LINGO2: variants seen among roughly 807,000 people sequenced by gnomAD.
The protein encoded by LINGO2 is leucine-rich repeat and immunoglobulin-like domain-containing nogo receptor-interacting protein 2.
LINGO2 carries 14 observed loss-of-function variants against 30.6 expected under a neutral mutation model. The observed-to-expected ratio is 0.46, with a 90% CI of 0.30 to 0.72. The LOEUF (loss-of-function observed/expected upper bound fraction) is 0.72. Among genes scored for constraint, LINGO2 ranks in the 30% least tolerant of loss-of-function variants. The pLI, the probability that LINGO2 is intolerant of heterozygous loss-of-function variation, is 0.07. For synonymous variants in LINGO2, 317 were observed against 288.5 expected, an observed-to-expected ratio of 1.10 and a Z score of -1.00; for missense variants, 729 against 751.7, an observed-to-expected ratio of 0.97 and a Z score of 0.35.
chr9:29,064,876 T>C, the LINGO2 span, among the ~76,000 whole-genome samples: 4 of 152,244 alleles, frequency 2.6e-5, no homozygotes, highest in South Asian at 4.1e-4. Context: ...TTTATCCCTA[T>C]GTTTATTTGA....
the LINGO2 span, among the ~76,000 whole-genome samples, chr9:29,148,775 GGGAAA>G: frequency 2.4e-4 from 36 of 152,158 alleles, no homozygotes; most frequent in South Asian, 3.5e-3. Context: ...GATGTTTGGA[GGGAAA>G]GGAGACAATT....
chr9:28,808,880 T>G, the LINGO2 span, among the ~76,000 whole-genome samples: 1 of 152,294 alleles, frequency 6.6e-6, no homozygotes, highest in Non-Finnish European at 1.5e-5. Context: ...AAAGCAAATT[T>G]TCTTAGGTGA....
chr9:29,137,982 T>C, the LINGO2 span, among the ~76,000 whole-genome samples: 1 of 152,036 alleles, frequency 6.6e-6, no homozygotes, highest in African/African-American at 2.4e-5. Context: ...TAGGAAATAA[T>C]ACATTCTTGG....
chr9:28,890,215 GTTTTGTTTT>G, the LINGO2 span, among the ~76,000 whole-genome samples: 2 of 151,572 alleles, frequency 1.3e-5, no homozygotes, highest in Non-Finnish European at 2.9e-5. Flanking sequence ...GTTTTGTTTT[GTTTTGTTTT>G]GTTTTTGTGG....
At chr9:28,821,881 C>T in the LINGO2 span, among the ~76,000 whole-genome samples, 2 of 152,198 alleles carry the variant, frequency 1.3e-5, no homozygotes, top group South Asian at 4.2e-4. Flanking sequence ...ATAATCACTC[C>T]AGAGATGTGC....
chr9:28,072,991 C>T (rs796306916), intron 4 of LINGO2, among the ~76,000 whole-genome samples: 42 of 152,078 alleles, frequency 2.8e-4, no homozygotes, highest in African/African-American at 9.6e-4. Flanking sequence ...CTTAAGCTCC[C>T]TTGGTCTTCG....
intron 2 of LINGO2, among the ~76,000 whole-genome samples, chr9:28,384,865 C>G (rs930958293): frequency 7.9e-5 from 12 of 151,928 alleles, no homozygotes; most frequent in African/African-American, 2.2e-4. Context: ...CAACAGTTAG[C>G]CAGATATCAC....
At chr9:28,004,680 A>G (rs1431882073) in intron 5 of LINGO2, among the ~76,000 whole-genome samples, 1 of 152,188 alleles carries the variant, frequency 6.6e-6, no homozygotes, top group East Asian at 1.9e-4. Flanking sequence ...GATACTCAAC[A>G]AAGGCACCTG....
rs147336276 is a variant in LINGO2, at chr9:28,575,658, A to G, written c.-365+94542T>C. On this transcript the variant is annotated intron_variant, in intron 1 of 5. Coordinates refer to ENST00000379992, the Ensembl canonical transcript of LINGO2. ...CCTCAGCAATATACAATTTACCCAT[A>G]TAACAAACCTGCATACACAATACAC... Among the ~76,000 whole-genome samples, 657 of 152,232 alleles carry G rather than the reference A, an allele frequency of 4.3e-3. 1 individual carries two copies. The highest frequency in any genetic ancestry group is 0.015 in the African/African-American group (609 of 41,540).
chr9:28,616,322 C>T (rs1478782218), intron 1 of LINGO2, among the ~76,000 whole-genome samples: 1 of 152,012 alleles, frequency 6.6e-6, no homozygotes, highest in Non-Finnish European at 1.5e-5. Flanking sequence ...CATGCATGCA[C>T]ATACACACAT....
rs1426950894 is a variant in LINGO2 at position 27,964,781 on chromosome 9, G to A, written c.-35-14075C>T. Among the ~76,000 whole-genome samples, 2 of 152,078 alleles carry A rather than the reference G, an allele frequency of 1.3e-5. 1 individual carries two copies. Among genetic ancestry groups the A allele is most frequent in the Admixed American group, 1.3e-4 (2 of 15,238 alleles). The stretch of plus-strand genomic sequence containing the variant: ...AGGATCCACAATCAAGAGCTATCCT[G>A]CATGTAGTTTCCTTTCATCTGGATG... On this transcript the variant is annotated intron_variant, in intron 5 of 5. Transcript: ENST00000379992.
In LINGO2 at chr9:28,580,459, C is replaced by T. The variant is rs186589407; in HGVS notation, c.-365+89741G>A. On this transcript the variant is annotated intron_variant, in intron 1 of 5. Transcript: ENST00000379992. ...GTACGAATCACCCTTGCCCATCCCC[C>T]TCCCTCCCACTGAATAAATATAGTA... 1.2e-3 allele frequency among the ~76,000 whole-genome samples: 178 copies of T among 152,086 alleles called. 2 individuals are homozygous for T. Among genetic ancestry groups the T allele is most frequent in the Non-Finnish European group, 2.2e-4 (15 of 67,952 alleles).
the LINGO2 span, among the ~76,000 whole-genome samples, chr9:29,071,661 G>T: frequency 6.6e-6 from 1 of 151,816 alleles, no homozygotes; most frequent in African/African-American, 2.4e-5. Flanking sequence ...GAAAACTTCA[G>T]AACAACTATG....
chr9:28,241,499 C>G (rs570262722), intron 4 of LINGO2, among the ~76,000 whole-genome samples: 1 of 152,066 alleles, frequency 6.6e-6, no homozygotes, highest in East Asian at 1.9e-4. Flanking sequence ...GGTGCAGCCG[C>G]CCACCTGAGA....
intron 1 of LINGO2, among the ~76,000 whole-genome samples, chr9:28,656,778 C>T (rs1828363973): frequency 6.6e-6 from 1 of 151,986 alleles, no homozygotes; most frequent in Non-Finnish European, 1.5e-5. Context: ...AGCCTAATTC[C>T]CCTATCCATT....
chr9:28,561,005 T>C lies in LINGO2; in HGVS notation c.-364-84980A>G, dbSNP rs1823026587. 2.0e-5 allele frequency among the ~76,000 whole-genome samples: 3 copies of C among 152,118 alleles called. No homozygotes were observed. The South Asian group carries it at 6.2e-4, about 32-fold the overall frequency. On this transcript the variant is annotated intron_variant, in intron 1 of 5. Coordinates refer to ENST00000379992, the Ensembl canonical transcript of LINGO2. ...CTTCTTCTTAAACATATAAGTTTTG[T>C]GTAAAATACACAACGAAGAGGACAC...
chr9:28,679,852 CAT>C, the LINGO2 span, among the ~76,000 whole-genome samples: 6 of 151,768 alleles, frequency 4.0e-5, no homozygotes, highest in African/African-American at 1.5e-4. Flanking sequence ...TTATCAAGTA[CAT>C]GTTTCAAAAT....
chr9:28,577,570 G>C (rs1824051971), intron 1 of LINGO2, among the ~76,000 whole-genome samples: 1 of 152,116 alleles, frequency 6.6e-6, no homozygotes, highest in African/African-American at 2.4e-5. Flanking sequence ...CTCCCATTTA[G>C]CAGGCTCTAT....
intron 1 of LINGO2, among the ~76,000 whole-genome samples, chr9:28,655,728 C>T (rs972317518): frequency 6.6e-6 from 1 of 151,904 alleles, no homozygotes; most frequent in Non-Finnish European, 1.5e-5. Flanking sequence ...GGGGCTCCCC[C>T]CTTCACTGGG....
Sources: allele counts gnomAD v4.1 joint callset (sites outside exome capture counted in the v4.1 genomes callset), GRCh38; gene constraint gnomAD v4.1.1; transcripts MANE v1.5; gene names NCBI Gene and HGNC (gene_info 2026-07-23, HGNC 2026-07-21).